Variants in GLRA3 observed in about 807,000 individuals in gnomAD.
GLRA3 encodes the protein glycine receptor alpha 3.
GLRA3 carries 44 observed loss-of-function variants against 60.4 expected under a neutral mutation model. The observed-to-expected ratio is 0.73, with a 90% CI of 0.57 to 0.94. GLRA3 has a LOEUF of 0.94. GLRA3 is among the 40% of genes least tolerant of loss of function. The pLI is 0.00. For missense variants in GLRA3, 508 were observed against 564.6 expected, an observed-to-expected ratio of 0.90 and a Z score of 1.02; for synonymous variants, 223 against 192.9, an observed-to-expected ratio of 1.16 and a Z score of -1.29.
intron 3 of GLRA3, 91 bp from the exon 4 acceptor site, chr4:174,728,789 A>T (rs1289951134): frequency 1.3e-6 from 1 of 760,854 alleles, no homozygotes; most frequent in Non-Finnish European, 2.1e-6. Context: ...AGGCAGGCTC[A>T]TCAACTGTAG....
chr4:174,764,065 CA>C (rs1173102669), intron 3 of GLRA3, among the ~76,000 whole-genome samples: 4 of 152,024 alleles, frequency 2.6e-5, no homozygotes, highest in Non-Finnish European at 4.4e-5. Context: ...ATCAGATTAA[CA>C]ATATTGGGAA....
intron 1 of GLRA3, 124 bp from the exon 2 acceptor site, chr4:174,789,067 A>T: frequency 1.8e-6 from 1 of 565,118 alleles, no homozygotes; most frequent in East Asian, 3.0e-5. Context: ...ACCTTTAGAT[A>T]TCATACAGTG....
chr4:174,703,060 A>C (rs1157435320), intron 5 of GLRA3, among the ~76,000 whole-genome samples: 1 of 152,202 alleles, frequency 6.6e-6, no homozygotes, highest in African/African-American at 2.4e-5. Flanking sequence ...TCCTGATAGC[A>C]GAACTCAGAG....
chr4:174,665,307 C>G, intron 7 of GLRA3, among the ~76,000 whole-genome samples: 1 of 148,710 alleles, frequency 6.7e-6, no homozygotes, highest in Admixed American at 6.7e-5. Flanking sequence ...ACTGTTCATC[C>G]TGTAGGTCTC....
intron 1 of GLRA3, among the ~76,000 whole-genome samples, chr4:174,791,412 A>T (rs2111312480): frequency 6.6e-6 from 1 of 152,238 alleles, no homozygotes; most frequent in African/African-American, 2.4e-5. Flanking sequence ...GGCCTGCAGA[A>T]CTGTTAGAGA....
At chr4:174,660,130 T>G (rs1329544248) in intron 7 of GLRA3, among the ~76,000 whole-genome samples, 1 of 152,022 alleles carries the variant, frequency 6.6e-6, no homozygotes, top group Non-Finnish European at 1.5e-5. Flanking sequence ...CACCATACAC[T>G]CAACAAAATC....
intron 3 of GLRA3, among the ~76,000 whole-genome samples, chr4:174,751,101 ATCT>A (rs71879762): frequency 4.6e-5 from 7 of 151,144 alleles, no homozygotes; most frequent in East Asian, 3.9e-4. Context: ...CTATCTATCT[ATCT>A]ATCAATCATC....
intron 3 of GLRA3, among the ~76,000 whole-genome samples, chr4:174,735,350 G>A (rs1463456956): frequency 6.6e-6 from 1 of 152,116 alleles, no homozygotes; most frequent in Non-Finnish European, 1.5e-5. Flanking sequence ...GGAAGAGGAA[G>A]CTCATCTACT....
At chr4:174,680,837 G>A (rs1734315052) in intron 6 of GLRA3, among the ~76,000 whole-genome samples, 1 of 152,114 alleles carries the variant, frequency 6.6e-6, no homozygotes, top group African/African-American at 2.4e-5. Flanking sequence ...TGGGGGGAAA[G>A]GGTATTTTAT....
At chr4:174,811,185 GT>G (rs76452779) in intron 1 of GLRA3, among the ~76,000 whole-genome samples, 4,708 of 113,888 alleles carry the variant, frequency 0.041, 214 homozygotes, top group African/African-American at 0.12. Flanking sequence ...TTCCCCGCCT[GT>G]TTTTTTTTTT....
At chr4:174,813,980 G>A (rs1238767027) in intron 1 of GLRA3, among the ~76,000 whole-genome samples, 1 of 152,226 alleles carries the variant, frequency 6.6e-6, no homozygotes, top group Non-Finnish European at 1.5e-5. Context: ...GAGCACACAG[G>A]TGAGAGTCTG....
chr4:174,798,651 G>T (rs13139930), intron 1 of GLRA3, among the ~76,000 whole-genome samples: 98 of 152,314 alleles, frequency 6.4e-4, no homozygotes, highest in African/African-American at 2.3e-3. Context: ...AAGGCTGGGC[G>T]CGGTGGCTCA....
chr4:174,763,315 TCCA>T (rs1032425776), intron 3 of GLRA3, among the ~76,000 whole-genome samples: 1 of 152,176 alleles, frequency 6.6e-6, no homozygotes, highest in Non-Finnish European at 1.5e-5. Flanking sequence ...TAGTTTACCT[TCCA>T]CCAAGATTAG....
chr4:174,681,338 A>G (rs1000597445), intron 6 of GLRA3, among the ~76,000 whole-genome samples: 1 of 152,188 alleles, frequency 6.6e-6, no homozygotes, highest in Non-Finnish European at 1.5e-5. Context: ...ATATCTCCCT[A>G]AGATTCATGT....
At chr4:174,761,260 T>A (rs978813649) in intron 3 of GLRA3, among the ~76,000 whole-genome samples, 2 of 152,138 alleles carry the variant, frequency 1.3e-5, no homozygotes, top group African/African-American at 4.8e-5. Flanking sequence ...AGATAGATAA[T>A]ATCATTTTTT....
rs115405797 is a variant in GLRA3 at position 174,732,917 on chromosome 4, G to A, written c.268-4219C>T. ...TAGTGATTAGCTAGGGAAATGCTGGGGAATGAGATAGTGAATTATACAGGT... is the reference window on the plus strand; with the variant it reads ...TAGTGATTAGCTAGGGAAATGCTGGAGAATGAGATAGTGAATTATACAGGT... On this transcript the variant is annotated intron_variant, in intron 3 of 9. Coordinates refer to ENST00000274093, the MANE Select transcript of GLRA3 (RefSeq NM_006529.4). Among the ~76,000 whole-genome samples the A allele has an allele frequency of 6.5e-3, 991 of 152,038 alleles. 10 individuals carry two copies. Among genetic ancestry groups the A allele is most frequent in the African/African-American group, 0.022 (901 of 41,474 alleles).
At chr4:174,771,531 C>A (rs991735456) in intron 2 of GLRA3, among the ~76,000 whole-genome samples, 1 of 151,726 alleles carries the variant, frequency 6.6e-6, no homozygotes, top group Non-Finnish European at 1.5e-5. Context: ...TCTATTGACT[C>A]ATATCCTCTG....
chr4:174,823,243 C>G (rs567573260), intron 1 of GLRA3, among the ~76,000 whole-genome samples: 1 of 66,924 alleles, frequency 1.5e-5, no homozygotes, highest in Non-Finnish European at 4.1e-5. Context: ...AACTAAAACT[C>G]AAAAAAAAAA....
rs116088819 is a variant in GLRA3 at position 174,694,073 on chromosome 4, T to C, written c.575-11134A>G. 5.5e-3 allele frequency among the ~76,000 whole-genome samples: 842 copies of C among 152,220 alleles called. 5 individuals carry two copies. The highest frequency in any genetic ancestry group is 0.019 in the African/African-American group (787 of 41,542). ...ATATATGCACCTACCACAGGGGGCA[T>C]TGAGATTCATAAAGCAAGTTCTTAG... On this transcript the variant is annotated intron_variant, in intron 5 of 9. Transcript: ENST00000274093.
Sources: gnomAD v4.1 joint callset for allele counts (sites outside exome capture counted in the v4.1 genomes callset) on GRCh38, gnomAD v4.1.1 for gene constraint, MANE v1.5 for transcripts, NCBI Gene and HGNC (gene_info 2026-07-23, HGNC 2026-07-21) for gene names.